The following OSBPL10 variants were observed in gnomAD, a reference collection of about 807,000 sequenced individuals.
OSBPL10 encodes oxysterol-binding protein-related protein 10.
A neutral mutation model predicts 81.7 loss-of-function variants in OSBPL10; 49 were observed. The ratio of observed to expected loss-of-function variants is 0.60; its 90% CI spans 0.48 to 0.76. OSBPL10 has a LOEUF of 0.76. OSBPL10 is among the 30% of genes least tolerant of loss of function. The pLI is 0.00. For synonymous variants in OSBPL10, 419 were observed against 383.6 expected (o/e 1.09, Z -1.08); for missense variants, 923 against 987.8 (o/e 0.93, Z 0.88).
chr3:31,879,976 A>G, intron 1 of OSBPL10, 146 bp from the exon 2 acceptor site: 4 of 838,874 alleles, frequency 4.8e-6, no homozygotes, highest in Non-Finnish European at 7.2e-6. Flanking sequence ...AGATGCCCAT[A>G]GAAGTTAGCC....
intron 4 of OSBPL10, among the ~76,000 whole-genome samples, chr3:31,765,961 T>C (rs1254444416): frequency 1.3e-5 from 2 of 152,024 alleles, no homozygotes; most frequent in Admixed American, 1.3e-4. Context: ...GAGCTACTCT[T>C]TCTTTCCTTC....
chr3:31,708,445 A>G (rs1696140565), intron 6 of OSBPL10, among the ~76,000 whole-genome samples: 1 of 152,232 alleles, frequency 6.6e-6, no homozygotes, highest in African/African-American at 2.4e-5. Flanking sequence ...AAAGGTCATG[A>G]AAACTGACAT....
intron 3 of OSBPL10, among the ~76,000 whole-genome samples, chr3:31,851,540 G>A (rs1297034788): frequency 6.6e-6 from 1 of 152,224 alleles, no homozygotes; most frequent in African/African-American, 2.4e-5. Context: ...CCAGGGCCAA[G>A]GCTCTGCCAG....
chr3:31,740,802 A>G (rs1697319499), intron 5 of OSBPL10, among the ~76,000 whole-genome samples: 1 of 148,650 alleles, frequency 6.7e-6, no homozygotes, highest in Admixed American at 6.7e-5. Flanking sequence ...AAAAGAAAGA[A>G]AGAAAGAAAA....
intron 4 of OSBPL10, among the ~76,000 whole-genome samples, chr3:31,782,985 C>T (rs1356576824): frequency 6.6e-6 from 1 of 151,856 alleles, no homozygotes; most frequent in African/African-American, 2.4e-5. Flanking sequence ...GACACTTGCA[C>T]ATGTATGTTT....
At chr3:31,964,619 A>G (rs944945755) in intron 1 of OSBPL10, among the ~76,000 whole-genome samples, 4 of 152,216 alleles carry the variant, frequency 2.6e-5, no homozygotes, top group African/African-American at 9.6e-5. Flanking sequence ...AATTGTCTGA[A>G]AAAGCATCTC....
At chr3:31,981,406 AG>A, upstream of OSBPL10, 1 of 672,340 alleles carries the variant, frequency 1.5e-6, no homozygotes. This position sits in a 1 kb window ranked among gnomAD's most constrained non-coding sequence, Gnocchi z 4.5. Context: ...CGCCGCGGCC[AG>A]GGCCCGGCCC....
At chr3:32,056,181 G>C (rs1303594693) in intron 1 of OSBPL10, among the ~76,000 whole-genome samples, 1 of 152,148 alleles carries the variant, frequency 6.6e-6, no homozygotes, top group Non-Finnish European at 1.5e-5. Flanking sequence ...CTGTTTATTA[G>C]ATTCCGGTCT....
At chr3:32,048,515 C>G (rs1699643780) in intron 1 of OSBPL10, among the ~76,000 whole-genome samples, 1 of 152,090 alleles carries the variant, frequency 6.6e-6, no homozygotes, top group Non-Finnish European at 1.5e-5. Flanking sequence ...CCATGTTGGT[C>G]AGGCTGGTCT....
chr3:32,058,669 G>A (rs1028478021), intron 1 of OSBPL10, among the ~76,000 whole-genome samples: 10 of 152,020 alleles, frequency 6.6e-5, no homozygotes, highest in African/African-American at 2.4e-4. Flanking sequence ...CTTATGAATT[G>A]TTGTTGTTGT....
intron 1 of OSBPL10, among the ~76,000 whole-genome samples, chr3:32,059,133 C>A (rs1193259739): frequency 6.6e-6 from 1 of 151,840 alleles, no homozygotes; most frequent in South Asian, 2.1e-4. Context: ...CCTGTCTCTA[C>A]AAAAATACAA....
intron 4 of OSBPL10, among the ~76,000 whole-genome samples, chr3:31,793,812 C>A (rs996700031): frequency 5.3e-5 from 8 of 152,218 alleles, no homozygotes; most frequent in African/African-American, 1.9e-4. Flanking sequence ...CCCTTCTTAT[C>A]TGTGAACTCC....
intron 2 of OSBPL10, among the ~76,000 whole-genome samples, chr3:31,999,746 G>A (rs1438515673): frequency 6.6e-6 from 1 of 152,112 alleles, no homozygotes; most frequent in East Asian, 1.9e-4. Flanking sequence ...ATGCCCAGAT[G>A]TCAGGGATCA....
chr3:31,676,090 T>G (rs1700467256), intron 8 of OSBPL10, among the ~76,000 whole-genome samples: 1 of 151,362 alleles, frequency 6.6e-6, no homozygotes, highest in Non-Finnish European at 1.5e-5. Context: ...TTCAGAAAAA[T>G]CTCTTCCAAA....
At chr3:31,970,734 C>A (rs1698537284) in intron 1 of OSBPL10, among the ~76,000 whole-genome samples, 2 of 152,218 alleles carry the variant, frequency 1.3e-5, no homozygotes, top group African/African-American at 4.8e-5. Flanking sequence ...CCAGCGTTCC[C>A]CTTGTGGTAA....
chr3:31,669,001 A>G (rs946143602), intron 9 of OSBPL10, among the ~76,000 whole-genome samples, 177 bp from the exon 10 acceptor site: 1 of 152,234 alleles, frequency 6.6e-6, no homozygotes, highest in African/African-American at 2.4e-5. Context: ...TTGAACAGCA[A>G]AAGAAAGCAT....
At chr3:31,797,453 T>TG (rs1175169291) in intron 4 of OSBPL10, among the ~76,000 whole-genome samples, 2 of 152,210 alleles carry the variant, frequency 1.3e-5, no homozygotes, top group Non-Finnish European at 2.9e-5. Flanking sequence ...CTGATTCCAA[T>TG]GATCATCATC....
chr3:31,905,008 C>T (rs1329745529), intron 1 of OSBPL10, among the ~76,000 whole-genome samples: 2 of 152,036 alleles, frequency 1.3e-5, no homozygotes, highest in African/African-American at 4.8e-5. Context: ...ACAAAGGAAT[C>T]GAGTAATAGA....
intron 1 of OSBPL10, among the ~76,000 whole-genome samples, chr3:31,973,700 A>C (rs1452148349): frequency 1.1e-4 from 16 of 152,250 alleles, no homozygotes; most frequent in Admixed American, 1.0e-3. Flanking sequence ...AGCAACATGA[A>C]GATGGCCAGG....
Sources: allele counts gnomAD v4.1 joint callset (sites outside exome capture counted in the v4.1 genomes callset), GRCh38; gene constraint gnomAD v4.1.1; non-coding constraint Gnocchi (gnomAD v3.1); transcripts MANE v1.5; gene names NCBI Gene and HGNC (gene_info 2026-07-23, HGNC 2026-07-21).